EPCAM: variants seen among roughly 807,000 people sequenced by gnomAD.
EPCAM encodes the protein epithelial cell adhesion molecule, also known as adenocarcinoma-associated antigen.
A neutral mutation model predicts 40.0 loss-of-function variants in EPCAM; 39 were observed. The ratio of observed to expected loss-of-function variants is 0.98; its 90% CI spans 0.76 to 1.27. EPCAM has a LOEUF of 1.27. EPCAM is among the 50% of genes most tolerant of loss of function. The pLI, the probability that EPCAM is intolerant of heterozygous loss-of-function variation, is 0.00. For missense variants in EPCAM, 503 were observed against 381.2 expected (o/e 1.32, Z -2.66); for synonymous variants, 168 against 132.3 (o/e 1.27, Z -1.85).
chr2:47,369,749 G>A (rs1671173426), intron 1 of EPCAM, 168 bp downstream of exon 1: 7 of 764,266 alleles, frequency 9.2e-6, no homozygotes, highest in South Asian at 7.4e-5. Context: ...CCCTCCGCGC[G>A]GTAGGAAACG....
At chr2:47,377,915 G>C (rs972103440) in intron 5 of EPCAM, 2 of 299,402 alleles carry the variant, frequency 6.7e-6, no homozygotes, top group Non-Finnish European at 1.3e-5. Context: ...TCTTTAGAAA[G>C]AATGTACTTT....
chr2:47,373,527 G>C lies in EPCAM; in HGVS notation c.141G>C (p.Gln47His), dbSNP rs186094931. ...TTGTGAATAATAATCGTCAATGCCA[G>C]TGTACTTCAGTTGGTGCACAAAATA... is the stretch of plus-strand genomic sequence containing the variant. ...NCFVNNNRQC[Q>H]CTSVGAQNTV... Residue 47 changes from glutamine (Q) to histidine (H), a missense_variant, in exon 2 of 9, where the codon CAG (glutamine) becomes CAC (histidine). Gln to His is a conservative substitution (Grantham distance 24, BLOSUM62 0). Transcript: ENST00000263735. 17 of 1,613,732 alleles carry C rather than the reference G, an allele frequency of 1.1e-5. No homozygotes were observed. The South Asian group carries it at 1.6e-4, about 16-fold the overall frequency.
intron 5 of EPCAM, among the ~76,000 whole-genome samples, chr2:47,378,086 C>T (rs112018647): frequency 6.6e-6 from 1 of 151,824 alleles, no homozygotes. Context: ...TACAAAATAG[C>T]CGAATGTGGT....
chr2:47,373,217 A>C (rs991257249), intron 1 of EPCAM, among the ~76,000 whole-genome samples: 179 of 132,616 alleles, frequency 1.3e-3, no homozygotes, highest in East Asian at 0.011. Flanking sequence ...AAAAAAAAAA[A>C]AAAAAAAAAA....
intron 1 of EPCAM, chr2:47,369,912 A>G (rs538587208): frequency 2.3e-6 from 1 of 443,928 alleles, no homozygotes; most frequent in Non-Finnish European, 4.3e-6. Context: ...GCCCTGGCGC[A>G]CCCACGTCCT....
chr2:47,380,573 C>CT (rs1407230855), intron 7 of EPCAM, among the ~76,000 whole-genome samples: 1 of 152,122 alleles, frequency 6.6e-6, no homozygotes, highest in Admixed American at 6.6e-5. Context: ...AATTCAACAC[C>CT]TAGTGCAAAA....
rs571833620 is a variant in EPCAM, at chr2:47,372,483, G to GAA, written c.77-972_77-971dup. Among the ~76,000 whole-genome samples the GAA allele has an allele frequency of 9.0e-3, 1,360 of 150,710 alleles. 24 individuals carry two copies. The highest frequency in any genetic ancestry group is 0.03 in the African/African-American group (1,213 of 41,090). Reference sequence around the variant, plus strand: ...TGAAAACCCGTCTCTACTAAAAATAGAAAAAAAAAGCCGGGCGCGGTGGCT... The same window carrying GAA: ...TGAAAACCCGTCTCTACTAAAAATAGAAAAAAAAAAAGCCGGGCGCGGTGGCT... On this transcript the variant is annotated intron_variant, in intron 1 of 8. Coordinates refer to ENST00000263735, the MANE Select transcript of EPCAM (RefSeq NM_002354.3).
At chr2:47,376,963 G>C (rs1435319599) in intron 4 of EPCAM, 51 bp from the exon 5 acceptor site, 3 of 1,217,784 alleles carry the variant, frequency 2.5e-6, no homozygotes, top group Non-Finnish European at 2.4e-6. Flanking sequence ...GCTTCTTACT[G>C]TTGTGTGGTA....
chr2:47,381,411 AAG>A (rs1262037394), intron 7 of EPCAM, among the ~76,000 whole-genome samples: 8,585 of 147,374 alleles, frequency 0.058, 253 homozygotes, highest in East Asian at 0.14. Context: ...AAAAAAAAAA[AAG>A]AAATCTTACT....
chr2:47,377,822 C>A, intron 5 of EPCAM: 2 of 441,806 alleles, frequency 4.5e-6, no homozygotes, highest in Non-Finnish European at 9.1e-6. Context: ...TTACTTAACT[C>A]TTTAAACTCT....
chr2:47,376,738 T>TA (rs1319679144), intron 4 of EPCAM, among the ~76,000 whole-genome samples: 26 of 152,346 alleles, frequency 1.7e-4, no homozygotes, highest in African/African-American at 6.3e-4. Context: ...ACTGTGAAGT[T>TA]ACCATTCTCC....
intron 4 of EPCAM, 47 bp downstream of exon 4, chr2:47,375,346 A>G (rs1245831075): frequency 2.5e-6 from 3 of 1,202,048 alleles, no homozygotes; most frequent in Admixed American, 3.4e-5. Flanking sequence ...TGGTGGCTCA[A>G]ATCTTCCATC....
At chr2:47,377,429 G>A (rs1300505571) in intron 5 of EPCAM, among the ~76,000 whole-genome samples, 2 of 151,892 alleles carry the variant, frequency 1.3e-5, no homozygotes, top group Non-Finnish European at 2.9e-5. Flanking sequence ...TGTCGGCGGG[G>A]TTTTGCTATG....
chr2:47,372,548 C>G (rs557228827), intron 1 of EPCAM, among the ~76,000 whole-genome samples: 1 of 151,796 alleles, frequency 6.6e-6, no homozygotes, highest in East Asian at 1.9e-4. Flanking sequence ...CCGAGGCGGA[C>G]GGATCATGAG....
chr2:47,381,151 C>A (rs1471507578), intron 7 of EPCAM, among the ~76,000 whole-genome samples: 1 of 139,554 alleles, frequency 7.2e-6, no homozygotes, highest in East Asian at 2.2e-4. Flanking sequence ...AATCCCAGCA[C>A]TTTGGGAGGC....
At chr2:47,384,958 C>T (rs1041983341) in intron 7 of EPCAM, among the ~76,000 whole-genome samples, 6 of 152,176 alleles carry the variant, frequency 3.9e-5, no homozygotes, top group Non-Finnish European at 5.9e-5. Context: ...CTTCCCGCTT[C>T]GGCCTCCCAA....
rs550574145 is a variant in EPCAM at position 47,369,457 on chromosome 2, C to T, written c.-49C>T. ...GTCCCACTCCCGGCGCACGCCCTCC[C>T]GCGAGTCCCGGGCCCCTCCCGCGCC... On this transcript the variant is annotated 5_prime_UTR_variant, in exon 1 of 9. Coordinates refer to ENST00000263735, the MANE Select transcript of EPCAM (RefSeq NM_002354.3). 1.0e-5 allele frequency: 14 copies of T among 1,382,700 alleles called. No homozygotes were observed. Among genetic ancestry groups the T allele is most frequent in the South Asian group, 1.5e-5 (1 of 65,694 alleles). 85.7% of individuals were successfully genotyped at this position (1,382,700 alleles called of 1,614,324 possible).
At position 47,373,490 on chromosome 2, in the gene EPCAM, C is replaced by T; in HGVS notation, c.104C>T (p.Ala35Val). The change falls in exon 2 of 9, where the codon GCC (alanine) becomes GTC (valine). Residue 35 changes from alanine to valine, a missense_variant. Ala to Val is a moderately conservative substitution (Grantham distance 64, BLOSUM62 0). Transcript: ENST00000263735. The part of the protein sequence containing the change: ...EECVCENYKL[A>V]VNCFVNNNRQ... ...TGTGTCTGTGAAAACTACAAGCTGGCCGTAAACTGCTTTGTGAATAATAAT... is the reference window on the plus strand; with the variant it reads ...TGTGTCTGTGAAAACTACAAGCTGGTCGTAAACTGCTTTGTGAATAATAAT... 1 of 1,612,874 alleles carries T rather than the reference C, an allele frequency of 6.2e-7. No homozygotes were observed. Among genetic ancestry groups the T allele is most frequent in the South Asian group, 1.1e-5 (1 of 91,024 alleles).
chr2:47,369,607 G>T, intron 1 of EPCAM, 26 bp downstream of exon 1: 1 of 1,576,986 alleles, frequency 6.3e-7, no homozygotes, highest in Non-Finnish European at 8.6e-7. Context: ...GAGCAGAGTT[G>T]TGGAGCTGGG....
Sources: allele counts gnomAD v4.1 joint callset (sites outside exome capture counted in the v4.1 genomes callset), GRCh38; gene constraint gnomAD v4.1.1; transcripts MANE v1.5; gene names NCBI Gene and HGNC (gene_info 2026-07-23, HGNC 2026-07-21).